The following SLC7A14 variants were observed in gnomAD, a reference collection of about 807,000 sequenced individuals.
SLC7A14 encodes solute carrier family 7 member 14.
In SLC7A14, 37 loss-of-function variants were observed where a neutral mutation model predicts 60.2. The ratio of observed to expected loss-of-function variants is 0.61; its 90% CI spans 0.47 to 0.81. SLC7A14 has a LOEUF of 0.81. SLC7A14 is among the 30% of genes least tolerant of loss of function. SLC7A14 has a pLI of 0.00. For synonymous variants in SLC7A14, 399 were observed against 395.8 expected (o/e 1.01, Z -0.10); for missense variants, 886 against 982.7 (o/e 0.90, Z 1.32).
At chr3:170,483,689 C>G (rs1337495722) in intron 5 of SLC7A14, among the ~76,000 whole-genome samples, 167 bp from the exon 6 acceptor site, 1 of 152,248 alleles carries the variant, frequency 6.6e-6, no homozygotes, top group African/African-American at 2.4e-5. Context: ...GTCATCTGGC[C>G]TCTAGGCCTT....
intron 5 of SLC7A14, 139 bp downstream of exon 5, chr3:170,486,083 T>C (rs1712018372): frequency 3.7e-6 from 4 of 1,082,048 alleles, no homozygotes; most frequent in Non-Finnish European, 5.2e-6. Context: ...TTTCTTGTCA[T>C]GGGGAGTGGG....
rs528189494 is a variant in SLC7A14 at position 170,557,485 on chromosome 3, C to T, written c.-153+28426G>A. Among the ~76,000 whole-genome samples the T allele has an allele frequency of 2.6e-5, 4 of 152,210 alleles. 1 individual carries two copies. The South Asian group carries it at 8.3e-4, about 32-fold the overall frequency. The stretch of plus-strand genomic sequence containing the variant: ...GAGATAAAAGGGAAGAGGTTCCTGC[C>T]CTCAGGGATCTCATAGTCAGTTGCT... On this transcript the variant is annotated intron_variant, in intron 1 of 7. Transcript: ENST00000231706.
chr3:170,480,608 T>C lies in SLC7A14; in HGVS notation c.1674A>G (p.Thr558=). The change falls in exon 7 of 8, where the codon ACA becomes ACG. Residue 558 remains threonine, a synonymous_variant. Transcript: ENST00000231706. ...TGGTCACCGTGTGCCCCGTCGCTGC[T>C]GTGGGCCGGTCCATTTTGCCTGGAA... ...LGLPGKMDRP[T]AATGHTVTIC... is the part of the protein sequence containing the mutation. 1 of 1,614,250 alleles carries C rather than the reference T, an allele frequency of 6.2e-7. No homozygotes were observed. The highest frequency in any genetic ancestry group is 8.5e-7 in the Non-Finnish European group (1 of 1,180,036).
At chr3:170,570,492 A>T (rs1577571252) in intron 1 of SLC7A14, 1 of 152,184 alleles carries the variant, frequency 6.6e-6, no homozygotes, top group East Asian at 1.9e-4. Context: ...AAATAAAAAG[A>T]GGGTCCAAAT....
chr3:170,561,570 C>T (rs1036433876), intron 1 of SLC7A14, among the ~76,000 whole-genome samples: 8 of 152,172 alleles, frequency 5.3e-5, no homozygotes, highest in Admixed American at 5.2e-4. Context: ...TCTGCTTACC[C>T]CACAGGGTTA....
intron 1 of SLC7A14, among the ~76,000 whole-genome samples, chr3:170,536,223 C>T (rs1020623920): frequency 1.8e-4 from 28 of 152,128 alleles, no homozygotes; most frequent in Non-Finnish European, 5.9e-5. Flanking sequence ...CACAAAGCAA[C>T]CTATAAGTGT....
chr3:170,508,291 C>G (rs1712848831), intron 2 of SLC7A14, among the ~76,000 whole-genome samples: 1 of 152,208 alleles, frequency 6.6e-6, no homozygotes, highest in Non-Finnish European at 1.5e-5. Flanking sequence ...GGAGTGGAGG[C>G]AGGTGTCCAA....
At chr3:170,474,964 T>TA (rs1460368065) in intron 7 of SLC7A14, among the ~76,000 whole-genome samples, 8 of 152,202 alleles carry the variant, frequency 5.3e-5, no homozygotes, top group African/African-American at 1.9e-4. Flanking sequence ...CCCTGGAAGA[T>TA]ACCATGGTGC....
chr3:170,569,442 C>T (rs7372738), intron 1 of SLC7A14, among the ~76,000 whole-genome samples: 151,397 of 152,090 alleles, frequency 1, 75,355 homozygotes, highest in Middle Eastern at 1. Flanking sequence ...TTGGCATCAG[C>T]GTTCATCAAG....
intron 2 of SLC7A14, among the ~76,000 whole-genome samples, chr3:170,519,457 G>C (rs1439113010): frequency 1.3e-5 from 2 of 152,178 alleles, no homozygotes; most frequent in Non-Finnish European, 2.9e-5. Flanking sequence ...AATGGGGAAG[G>C]ACTTATAAGA....
At chr3:170,490,320 A>T (rs1712175899) in intron 4 of SLC7A14, among the ~76,000 whole-genome samples, 1 of 152,188 alleles carries the variant, frequency 6.6e-6, no homozygotes, top group Non-Finnish European at 1.5e-5. Flanking sequence ...ATATATGTAC[A>T]CACATAAACA....
rs764896692 is a variant in SLC7A14, at chr3:170,501,304, T to C, written c.346A>G (p.Thr116Ala). Reference protein sequence around the residue: ...AEFGVRVPKTTGSAYTYSYVT... With the variant: ...AEFGVRVPKTAGSAYTYSYVT... ...TAGCTGTAGGTGTAGGCAGATCCTG[T>C]GGTCTTGGGGACTCGAACTCCAAAC... The change falls in exon 3 of 8, where the codon ACA (threonine) becomes GCA (alanine). Residue 116 changes from threonine (T) to alanine (A), a missense_variant. By Grantham distance (58) the Thr-to-Ala change is moderately conservative. Transcript: ENST00000231706. 6.2e-7 allele frequency: 1 copy of C among 1,614,170 alleles called. No individual in the cohort carries two copies. Among genetic ancestry groups the C allele is most frequent in the South Asian group, 1.1e-5 (1 of 91,072 alleles).
intron 5 of SLC7A14, among the ~76,000 whole-genome samples, chr3:170,485,687 G>A (rs935128537): frequency 6.6e-6 from 1 of 152,256 alleles, no homozygotes; most frequent in African/African-American, 2.4e-5. Flanking sequence ...AGGTGAATTT[G>A]AGCTGGTGTA....
intron 4 of SLC7A14, among the ~76,000 whole-genome samples, chr3:170,497,087 C>CAAAAAAAAAAAAAAAAAAAAA (rs548290941): frequency 1.1e-5 from 1 of 94,316 alleles, no homozygotes. Context: ...TTATTTTGTC[C>CAAAAAAAAAAAAAAAAAAAAA]AAAAAAAAAA....
chr3:170,573,041 C>T (rs1375436429), intron 1 of SLC7A14, among the ~76,000 whole-genome samples: 1 of 152,170 alleles, frequency 6.6e-6, no homozygotes. Flanking sequence ...GTCATAGTCG[C>T]CACATGACTG....
chr3:170,480,342 A>G lies in SLC7A14; in HGVS notation c.1940T>C (p.Met647Thr), dbSNP rs1486237762. 12 of 1,580,388 alleles carry G rather than the reference A, an allele frequency of 7.6e-6. No individual in the cohort carries two copies. The highest frequency in any genetic ancestry group is 5.4e-5 in the Admixed American group (3 of 55,742). Residue 647 changes from methionine to threonine, a missense_variant, in exon 7 of 8, where the codon ATG becomes ACG. Coordinates refer to ENST00000231706, the MANE Select transcript of SLC7A14 (RefSeq NM_020949.3). Reference protein sequence around the residue: ...AFAMLVNIYLMLKLSTITWIR... With the variant: ...AFAMLVNIYLTLKLSTITWIR... ...CCATGTGATGGTGGAGAGCTTTAGC[A>G]TGAGATAGATGTTCACCAGCATGGC...
At chr3:170,562,754 A>T (rs1194513071) in intron 1 of SLC7A14, among the ~76,000 whole-genome samples, 1 of 152,110 alleles carries the variant, frequency 6.6e-6, no homozygotes, top group Non-Finnish European at 1.5e-5. Context: ...TATTATTATT[A>T]TTATTCCATT....
At chr3:170,514,961 G>T (rs2108287909) in intron 2 of SLC7A14, among the ~76,000 whole-genome samples, 2 of 152,308 alleles carry the variant, frequency 1.3e-5, no homozygotes, top group Middle Eastern at 6.8e-3. Flanking sequence ...ATGAATCCAA[G>T]ATCTCAACAG....
chr3:170,569,500 T>A (rs1714884327), intron 1 of SLC7A14, among the ~76,000 whole-genome samples: 1 of 151,970 alleles, frequency 6.6e-6, no homozygotes, highest in Admixed American at 6.6e-5. Flanking sequence ...TGCCAGGCTT[T>A]GGTATCAGGA....
Sources: allele counts gnomAD v4.1 joint callset (sites outside exome capture counted in the v4.1 genomes callset), GRCh38; gene constraint gnomAD v4.1.1; transcripts MANE v1.5; gene names NCBI Gene and HGNC (gene_info 2026-07-23, HGNC 2026-07-21).